SGK2: variants seen among roughly 807,000 people sequenced by gnomAD.
The protein encoded by SGK2 is serum/glucocorticoid regulated kinase 2.
SGK2 carries 36 observed loss-of-function variants against 47.5 expected under a neutral mutation model. The ratio of observed to expected loss-of-function variants is 0.76; its 90% CI spans 0.58 to 1.00. The LOEUF is 1.00. Ranked by LOEUF, SGK2 falls within the 50% of genes least tolerant of loss-of-function variation. SGK2 has a pLI of 0.00. For missense variants in SGK2, 404 were observed against 467.4 expected, an observed-to-expected ratio of 0.86 and a Z score of 1.25; for synonymous variants, 157 against 181.9, an observed-to-expected ratio of 0.86 and a Z score of 1.10.
intron 1 of SGK2, 98 bp from the exon 2 acceptor site, chr20:43,566,375 G>A (rs145983416): frequency 6.2e-7 from 1 of 1,614,164 alleles, no homozygotes; most frequent in African/African-American, 1.3e-5. Flanking sequence ...GCACAGGTAG[G>A]GGAGGATGGA....
Position 43,580,075 on chromosome 20 carries a change from G to C in SGK2, c.939+14G>C. The C allele has an allele frequency of 6.5e-7, 1 of 1,546,616 alleles. No homozygotes were observed. The highest frequency in any genetic ancestry group is 1.2e-5 in the South Asian group (1 of 84,642). ...AACCCAAATGTGGTAAGAGGTCACA[G>C]CATTCTAGACTCTGGATTTCCGGGG... On this transcript the variant is annotated intron_variant, in intron 12 of 12. Transcript: ENST00000373100.
intron 5 of SGK2, 60 bp downstream of exon 5, chr20:43,568,059 G>C (rs376341648): frequency 1.5e-5 from 22 of 1,457,638 alleles, no homozygotes; most frequent in Middle Eastern, 3.5e-4. Flanking sequence ...GCCTAGGGTG[G>C]CTTTCAAAGA....
At position 43,570,620 on chromosome 20, in the gene SGK2, T is replaced by C; in HGVS notation, c.364T>C (p.Phe122Leu). The C allele has an allele frequency of 1.9e-6, 3 of 1,603,924 alleles. No individual in the cohort carries two copies. The Middle Eastern group carries it at 5.0e-4, about 268-fold the overall frequency. ...TCACACTCCTCCTCCCCTCCAGCTC[T>C]TCTTCCACCTGCAGCGGGAGCGCCG... is the stretch of plus-strand genomic sequence containing the variant. Reference protein sequence around the residue: ...VLDYVNGGELFFHLQRERRFL... With the variant: ...VLDYVNGGELLFHLQRERRFL... The change falls in exon 7 of 13, where the codon TTC becomes CTC. Residue 122 changes from phenylalanine to leucine, a missense_variant. Transcript: ENST00000373100.
chr20:43,575,900 A>G (rs1354377837), intron 10 of SGK2, among the ~76,000 whole-genome samples: 1 of 152,200 alleles, frequency 6.6e-6, no homozygotes. Context: ...CTGAAAAATT[A>G]CAACTCTCTT....
Position 43,573,880 on chromosome 20 carries a change from T to G in SGK2, c.598-1029T>G, listed in dbSNP as rs376926995. ...TTGCTAGGGACGGGAACAAAGGATA[T>G]GGAACCCCAGCTCATGTAGGAGACA... On this transcript the variant is annotated intron_variant, in intron 9 of 12. Coordinates refer to ENST00000373100, the MANE Select transcript of SGK2 (RefSeq NM_170693.3). 2.0e-5 allele frequency among the ~76,000 whole-genome samples: 3 copies of G among 152,278 alleles called. No individual in the cohort carries two copies. The East Asian group carries it at 5.8e-4, about 29-fold the overall frequency.
chr20:43,561,144 A>G (rs1296897226), intron 1 of SGK2, among the ~76,000 whole-genome samples: 1 of 152,230 alleles, frequency 6.6e-6, no homozygotes, highest in Non-Finnish European at 1.5e-5. Flanking sequence ...GACTTTAAGC[A>G]GAAGCCTCTA....
At chr20:43,583,455 G>T in intron 12 of SGK2, 3 of 1,184,202 alleles carry the variant, frequency 2.5e-6, no homozygotes, top group Non-Finnish European at 3.2e-6. Flanking sequence ...TTGGAACTCT[G>T]AGTGCTGGGC....
intron 11 of SGK2, among the ~76,000 whole-genome samples, chr20:43,578,685 C>T (rs1440956669): frequency 2.0e-5 from 3 of 152,158 alleles, no homozygotes; most frequent in Non-Finnish European, 4.4e-5. Context: ...AAAGTACTCT[C>T]AGCAGTGTCT....
In SGK2 at chr20:43,583,161, C is replaced by G. The variant is rs1239519843; in HGVS notation, c.940-1691C>G. 6.3e-6 allele frequency: 8 copies of G among 1,278,196 alleles called. No individual in the cohort carries two copies. The South Asian group carries it at 1.0e-4, about 16-fold the overall frequency. 79.2% of individuals were successfully genotyped at this position (1,278,196 alleles called of 1,614,324 possible). On this transcript the variant is annotated intron_variant, in intron 12 of 12. Transcript: ENST00000373100. ...TTTAATTACCTATTCATGAACTTGTCTTTGGGCACTGGATCAGATAGGATA... is the reference window on the plus strand; with the variant it reads ...TTTAATTACCTATTCATGAACTTGTGTTTGGGCACTGGATCAGATAGGATA...
At chr20:43,567,560 C>T (rs1449308461) in intron 3 of SGK2, 105 bp from the exon 4 acceptor site, 1 of 1,040,318 alleles carries the variant, frequency 9.6e-7, no homozygotes, top group Non-Finnish European at 1.5e-6. Flanking sequence ...GGAAGGCTCT[C>T]TGTATTTCCC....
chr20:43,581,954 T>C (rs185281535), intron 12 of SGK2, among the ~76,000 whole-genome samples: 23 of 152,390 alleles, frequency 1.5e-4, no homozygotes, highest in Admixed American at 6.5e-5. Flanking sequence ...GTGGTTATTG[T>C]TTTTTACTTT....
chr20:43,569,682 A>G, intron 6 of SGK2, 166 bp downstream of exon 6: 1 of 721,162 alleles, frequency 1.4e-6, no homozygotes. Context: ...CATTTGCTCA[A>G]GGCCACCCAG....
intron 11 of SGK2, among the ~76,000 whole-genome samples, chr20:43,579,720 G>C (rs1453222579): frequency 2.0e-5 from 3 of 152,194 alleles, no homozygotes; most frequent in African/African-American, 7.2e-5. Flanking sequence ...AAGGGTCGGT[G>C]CCCAGAGAAG....
intron 12 of SGK2, among the ~76,000 whole-genome samples, chr20:43,582,440 T>A (rs1308607854): frequency 4.6e-5 from 7 of 152,088 alleles, no homozygotes; most frequent in Non-Finnish European, 1.0e-4. Flanking sequence ...CAGGCTGGAG[T>A]GCAGTGGCAC....
intron 11 of SGK2, among the ~76,000 whole-genome samples, chr20:43,577,596 A>G (rs1245146847): frequency 1.1e-4 from 17 of 148,766 alleles, no homozygotes; most frequent in Non-Finnish European, 2.5e-4. Context: ...TGATCCGCCC[A>G]CCTTGGCCTC....
At chr20:43,566,237 C>A in intron 1 of SGK2, 1 of 1,168,414 alleles carries the variant, frequency 8.6e-7, no homozygotes, top group Non-Finnish European at 1.2e-6. Flanking sequence ...GGGGCCACAC[C>A]CTGACCATCC....
intron 5 of SGK2, among the ~76,000 whole-genome samples, chr20:43,568,268 C>T (rs553880734): frequency 2.0e-5 from 3 of 152,314 alleles, no homozygotes; most frequent in East Asian, 3.9e-4. Flanking sequence ...AAGTCTTCTG[C>T]CTGCTCCAAG....
In SGK2 at chr20:43,563,335, C is replaced by A. The variant is rs1005850092; in HGVS notation, c.-23-3138C>A. Among the ~76,000 whole-genome samples the A allele has an allele frequency of 3.9e-5, 6 of 152,058 alleles. No individual in the cohort carries two copies. The South Asian group carries it at 1.0e-3, about 26-fold the overall frequency. ...GCACAAGAGATGGAGGAAGAGCAGT[C>A]AGTGAGCTAGAAGGAAAACCAAGAG... On this transcript the variant is annotated intron_variant, in intron 1 of 12. Transcript: ENST00000373100.
Position 43,572,218 on chromosome 20 carries a change from G to A in SGK2, c.597+81G>A. The A allele has an allele frequency of 9.5e-7, 1 of 1,057,450 alleles. No individual in the cohort carries two copies. Among genetic ancestry groups the A allele is most frequent in the South Asian group, 1.4e-5 (1 of 72,572 alleles). 65.5% of individuals were successfully genotyped at this position (1,057,450 alleles called of 1,614,324 possible). The stretch of plus-strand genomic sequence containing the variant: ...CTGATTAGAGCCAACAGGTTACAGT[G>A]AAGGGGACTCACTCCTTTGACCCAA... On this transcript the variant is annotated intron_variant, in intron 9 of 12. Transcript: ENST00000373100. This position sits in a 1 kb window ranked among gnomAD's most constrained non-coding sequence, Gnocchi z 4.2.
Sources: allele counts gnomAD v4.1 joint callset (sites outside exome capture counted in the v4.1 genomes callset), GRCh38; gene constraint gnomAD v4.1.1; non-coding constraint Gnocchi (gnomAD v3.1); transcripts MANE v1.5; gene names NCBI Gene and HGNC (gene_info 2026-07-23, HGNC 2026-07-21).